Variants in ABCB5 observed in about 807,000 individuals in gnomAD.
ABCB5 encodes ATP-binding cassette sub-family B member 5.
A neutral mutation model predicts 144.2 loss-of-function variants in ABCB5; 155 were observed. The observed-to-expected ratio is 1.08, with a 90% CI of 0.94 to 1.23. The LOEUF is 1.23. Ranked by LOEUF, ABCB5 falls within the 50% of genes most tolerant of loss-of-function variation. The pLI is 0.00. For missense variants in ABCB5, 1,830 were observed against 1,520.8 expected (o/e 1.20, Z -3.38); for synonymous variants, 610 against 528.6 (o/e 1.15, Z -2.11).
At chr7:20,664,007 C>T (rs996629644) in intron 14 of ABCB5, among the ~76,000 whole-genome samples, 2 of 147,982 alleles carry the variant, frequency 1.4e-5, no homozygotes, top group African/African-American at 5.1e-5. Flanking sequence ...TGAGCCACTG[C>T]GCCCAGTCAG....
At chr7:20,731,367 A>ATATATAT (rs201572539) in intron 23 of ABCB5, among the ~76,000 whole-genome samples, 10 of 108,502 alleles carry the variant, frequency 9.2e-5, no homozygotes, top group African/African-American at 3.4e-4. Flanking sequence ...AAAAAAAAAA[A>ATATATAT]AAATATATAT....
At chr7:20,722,865 T>G in intron 20 of ABCB5, 151 bp from the exon 21 acceptor site, 1 of 582,602 alleles carries the variant, frequency 1.7e-6, no homozygotes, top group South Asian at 3.0e-5. Context: ...ATATGTATCT[T>G]ATTTAATCTC....
Position 20,743,006 on chromosome 7 carries a change from A to T in ABCB5, c.3154A>T (p.Ser1052Cys). The T allele has an allele frequency of 1.2e-6, 2 of 1,614,206 alleles. No homozygotes were observed. Among genetic ancestry groups the T allele is most frequent in the Non-Finnish European group, 1.7e-6 (2 of 1,180,030 alleles). The change falls in exon 25 of 28, where the codon AGC (serine) becomes TGC (cysteine). Residue 1052 changes from serine to cysteine, a missense_variant. By Grantham distance (112) the Ser-to-Cys change is moderately radical. Transcript: ENST00000404938. ...AAAGACAGTAGCATTTGTGGGGAGC[A>T]GCGGCTGTGGGAAAAGCACTTCTGT... Reference protein sequence around the residue: ...RGKTVAFVGSSGCGKSTSVQL... With the variant: ...RGKTVAFVGSCGCGKSTSVQL...
chr7:20,667,395 T>C (rs1785235554), intron 14 of ABCB5: 1 of 985,442 alleles, frequency 1.0e-6, no homozygotes, highest in African/African-American at 1.7e-5. Flanking sequence ...GGAAACCCTG[T>C]GATTCTGATT....
intron 5 of ABCB5, among the ~76,000 whole-genome samples, chr7:20,641,393 G>C (rs930629869): frequency 6.6e-6 from 1 of 151,786 alleles, no homozygotes; most frequent in Non-Finnish European, 1.5e-5. Flanking sequence ...TAAAACACTA[G>C]TGTGCACCTG....
At chr7:20,729,171 T>C (rs4719626) in intron 23 of ABCB5, among the ~76,000 whole-genome samples, 54,933 of 152,052 alleles carry the variant, frequency 0.36, 10,553 homozygotes, top group East Asian at 0.67. Flanking sequence ...TCTCTATAAG[T>C]ACAGCATAAC....
intron 14 of ABCB5, among the ~76,000 whole-genome samples, chr7:20,661,643 T>G (rs1785007224): frequency 6.6e-6 from 1 of 151,334 alleles, no homozygotes; most frequent in Non-Finnish European, 1.5e-5. Flanking sequence ...TAAGCAGTTA[T>G]CCTGCCTCAG....
At chr7:20,652,566 T>G (rs1562540278) in intron 13 of ABCB5, among the ~76,000 whole-genome samples, 1 of 151,804 alleles carries the variant, frequency 6.6e-6, no homozygotes, top group Admixed American at 6.6e-5. Context: ...TGAGACTTTA[T>G]GGGAAAAAAA....
In ABCB5 at chr7:20,713,169, G is replaced by A. The variant is rs146294977; in HGVS notation, c.2421+8362G>A. Among the ~76,000 whole-genome samples, 535 of 149,100 alleles carry A rather than the reference G, an allele frequency of 3.6e-3. 28 individuals carry two copies. The highest frequency in any genetic ancestry group is 7.0e-3 in the East Asian group (35 of 5,030). On this transcript the variant is annotated intron_variant, in intron 20 of 27. Coordinates refer to ENST00000404938, the MANE Select transcript of ABCB5 (RefSeq NM_001163941.2). The stretch of plus-strand genomic sequence containing the variant: ...CATATCTAACATTTTGTCAATTCTG[G>A]GTTGGTGTCCATGGATTCATTTTTA...
chr7:20,619,293 C>T (rs1469993808), intron 1 of ABCB5, among the ~76,000 whole-genome samples: 1 of 152,192 alleles, frequency 6.6e-6, no homozygotes, highest in African/African-American at 2.4e-5. Flanking sequence ...AACTAATTTA[C>T]ATTCCCACCA....
chr7:20,639,845 T>C (rs1784255681), intron 5 of ABCB5, among the ~76,000 whole-genome samples: 1 of 152,218 alleles, frequency 6.6e-6, no homozygotes, highest in Non-Finnish European at 1.5e-5. Context: ...TCTCTACATT[T>C]CTATATGTAT....
At chr7:20,674,777 C>CAT (rs1785552619) in intron 14 of ABCB5, among the ~76,000 whole-genome samples, 2 of 149,398 alleles carry the variant, frequency 1.3e-5, no homozygotes, top group African/African-American at 4.9e-5. Context: ...CACACACACA[C>CAT]ACACACAAAC....
chr7:20,704,941 G>T, intron 20 of ABCB5, 134 bp downstream of exon 20: 1 of 525,890 alleles, frequency 1.9e-6, no homozygotes, highest in Non-Finnish European at 3.2e-6. Context: ...TAAGTCTCAC[G>T]GTTAACAGGT....
At chr7:20,749,882 G>A (rs1300535924) in intron 26 of ABCB5, among the ~76,000 whole-genome samples, 1 of 152,134 alleles carries the variant, frequency 6.6e-6, no homozygotes, top group East Asian at 1.9e-4. Context: ...CATAGCCTGA[G>A]CAAAAACATG....
At chr7:20,634,017 C>A (rs886747364) in intron 5 of ABCB5, among the ~76,000 whole-genome samples, 4 of 152,132 alleles carry the variant, frequency 2.6e-5, no homozygotes, top group East Asian at 1.9e-4. Flanking sequence ...TCTTACACCC[C>A]CTTTTACCCT....
chr7:20,721,298 G>C (rs892096833), intron 20 of ABCB5, among the ~76,000 whole-genome samples: 25 of 152,288 alleles, frequency 1.6e-4, no homozygotes, highest in African/African-American at 5.8e-4. Context: ...CTGTGGGCAG[G>C]TTATTTTGTC....
At chr7:20,660,005 ATGTAT>A (rs1241664973) in intron 14 of ABCB5, 2 of 985,410 alleles carry the variant, frequency 2.0e-6, no homozygotes, top group Non-Finnish European at 2.4e-6. Flanking sequence ...ATTTTAAAAA[ATGTAT>A]TGTAATAGGC....
At chr7:20,747,316 G>A (rs1279773098) in intron 26 of ABCB5, among the ~76,000 whole-genome samples, 1 of 152,098 alleles carries the variant, frequency 6.6e-6, no homozygotes, top group African/African-American at 2.4e-5. Context: ...TGTCACCCAG[G>A]CTGCAGTGCA....
intron 21 of ABCB5, 125 bp downstream of exon 21, chr7:20,723,344 C>A: frequency 9.9e-7 from 1 of 1,005,356 alleles, no homozygotes; most frequent in Non-Finnish European, 1.5e-6. Context: ...TCTTAGGGAT[C>A]TGTAAAGTGA....
Sources: gnomAD v4.1 joint callset for allele counts (sites outside exome capture counted in the v4.1 genomes callset) on GRCh38, gnomAD v4.1.1 for gene constraint, MANE v1.5 for transcripts, NCBI Gene and HGNC (gene_info 2026-07-23, HGNC 2026-07-21) for gene names.